Variants in C2 observed in about 807,000 individuals in gnomAD.
The protein encoded by C2 is complement C2.
In C2, 64 loss-of-function variants were observed where a neutral mutation model predicts 85.2. The ratio of observed to expected loss-of-function variants is 0.75; its 90% confidence interval spans 0.61 to 0.92. The LOEUF (loss-of-function observed/expected upper bound fraction) is 0.92. C2 is among the 40% of genes least tolerant of loss of function. The pLI is 0.00. For missense variants in C2, 820 were observed against 971.6 expected (o/e 0.84, Z 2.07); for synonymous variants, 311 against 370.8 (o/e 0.84, Z 1.85).
chr6:31,927,701 A>G, upstream of C2: 1 of 1,612,678 alleles, frequency 6.2e-7, no homozygotes, highest in East Asian at 2.2e-5. This position sits in a 1 kb window ranked among gnomAD's most constrained non-coding sequence, Gnocchi z 4.7. Flanking sequence ...AAGTCAGATG[A>G]CCTTTTCCCT....
chr6:31,903,398 G>A lies in C2; in HGVS notation c.73+2259G>A, dbSNP rs757148829. Among the ~76,000 whole-genome samples the A allele has an allele frequency of 4.3e-3, 660 of 151,738 alleles. 2 individuals are homozygous for A. The highest frequency in any genetic ancestry group is 0.013 in the East Asian group (66 of 5,146). Reference sequence around the variant, plus strand: ...TAATCCCAGCACTGTGGGAGGCCGAGGCAGGTGGATCACCTGAGGTCAGGA... The same window carrying A: ...TAATCCCAGCACTGTGGGAGGCCGAAGCAGGTGGATCACCTGAGGTCAGGA... On this transcript the variant is annotated intron_variant, in intron 1 of 3. Transcript: ENST00000452202.
upstream of C2, chr6:31,900,583 G>T: frequency 6.2e-7 from 1 of 1,612,156 alleles, no homozygotes; most frequent in Non-Finnish European, 8.5e-7. The surrounding 1 kb of genome is among the most constrained non-coding windows in gnomAD (Gnocchi z 9.7). Flanking sequence ...CCCCAAGGTG[G>T]CCACCCACGG....
chr6:31,924,984 G>C (rs761837448), upstream of C2, among the ~76,000 whole-genome samples: 26 of 152,132 alleles, frequency 1.7e-4, no homozygotes, highest in Non-Finnish European at 3.5e-4. Context: ...GCTAGGCCTC[G>C]AGAGACCTTG....
chr6:31,941,814 CTT>C (rs9281643), intron 9 of C2: 112 of 96,676 alleles, frequency 1.2e-3, no homozygotes, highest in East Asian at 4.6e-3. Context: ...AGCCAGTTCA[CTT>C]TTTTTTTTTT....
At chr6:31,915,270 G>C (rs371739371), upstream of C2, among the ~76,000 whole-genome samples, 17 of 152,252 alleles carry the variant, frequency 1.1e-4, no homozygotes, top group East Asian at 2.7e-3. Context: ...CCCTGGTCTA[G>C]TGTCATTGTG....
Position 31,945,187 on chromosome 6 carries a change from G to A in C2, c.2089G>A (p.Val697Met). The A allele has an allele frequency of 6.2e-7, 1 of 1,612,942 alleles. No individual in the cohort carries two copies. The highest frequency in any genetic ancestry group is 1.1e-5 in the South Asian group (1 of 91,068). Residue 697 changes from valine (V) to methionine (M), a missense_variant, in exon 18 of 18, where the codon GTG (valine) becomes ATG (methionine). By Grantham distance (21) the Val-to-Met change is conservative. Transcript: ENST00000299367. This position sits in a 1 kb window ranked among gnomAD's most constrained non-coding sequence, Gnocchi z 5.3. ...CTCTCCTTTTCTCCAGGTGGGTCTG[G>A]TGAGCTGGGGTCTTTACAACCCCTG... ...RRFRFFQVGL[V>M]SWGLYNPCLG...
At position 31,944,953 on chromosome 6, in the gene C2, C is replaced by T. The variant is rs1582126250; in HGVS notation, c.2030-27C>T. Reference sequence around the variant, plus strand: ...CACCAGTCCACTGCCCTAGATGACACTGTCTCCTGTCACCCTTTGCTGGCA... The same window carrying T: ...CACCAGTCCACTGCCCTAGATGACATTGTCTCCTGTCACCCTTTGCTGGCA... On this transcript the variant is annotated intron_variant, in intron 16 of 17. Transcript: ENST00000299367. This position sits in a 1 kb window ranked among gnomAD's most constrained non-coding sequence, Gnocchi z 5.1. 6.2e-7 allele frequency: 1 copy of T among 1,612,988 alleles called. No individual in the cohort carries two copies.
In C2 at chr6:31,944,866, C is replaced by T. The variant is rs770899176; in HGVS notation, c.2029+13C>T. 29 of 1,612,972 alleles carry T rather than the reference C, an allele frequency of 1.8e-5. No homozygotes were observed. Among genetic ancestry groups the T allele is most frequent in the Non-Finnish European group, 2.1e-5 (25 of 1,180,046 alleles). ...AGTCCCTGCAAGGGTGAGTCCCTCA[C>T]CATGCCTGGATTCCCAAGGGGAAGG... On this transcript the variant is annotated intron_variant, in intron 16 of 17. Coordinates refer to ENST00000299367, the MANE Select transcript of C2 (RefSeq NM_000063.6). This position sits in a 1 kb window ranked among gnomAD's most constrained non-coding sequence, Gnocchi z 5.1.
At chr6:31,900,453 G>C, upstream of C2, 1 of 1,576,988 alleles carries the variant, frequency 6.3e-7, no homozygotes, top group South Asian at 1.1e-5. This position sits in a 1 kb window ranked among gnomAD's most constrained non-coding sequence, Gnocchi z 9.7. Context: ...ACGCTGGCCC[G>C]GCCTCCGGGA....
Position 31,904,031 on chromosome 6 carries a change from T to TA in C2, c.73+2899dup, listed in dbSNP as rs1767555788. ...GAAGGCTGCCAGATTCGCAAATCAT[T>TA]AAAAAAATAAAATAAAAGCCCTATT... On this transcript the variant is annotated intron_variant, in intron 1 of 3. Coordinates refer to the C2 transcript ENST00000452202. The surrounding 1 kb of genome is among the most constrained non-coding windows in gnomAD (Gnocchi z 4.4). 6.6e-6 allele frequency among the ~76,000 whole-genome samples: 1 copy of TA among 151,820 alleles called. No individual in the cohort carries two copies. The highest frequency in any genetic ancestry group is 2.4e-5 in the African/African-American group (1 of 41,236).
rs1175243861 is a variant in C2, at chr6:31,935,116, T to C, written c.850-807T>C. On this transcript the variant is annotated intron_variant, in intron 6 of 17. Transcript: ENST00000299367. The surrounding 1 kb of genome is among the most constrained non-coding windows in gnomAD (Gnocchi z 4.3). Reference sequence around the variant, plus strand: ...GAACTTTGTTTTGTAATTGTGCTTTTCACAATACTTCATGTAACATTATAG... The same window carrying C: ...GAACTTTGTTTTGTAATTGTGCTTTCCACAATACTTCATGTAACATTATAG... 3.7e-5 allele frequency: 36 copies of C among 963,272 alleles called. No homozygotes were observed. Among genetic ancestry groups the C allele is most frequent in the Non-Finnish European group, 4.4e-5 (36 of 809,820 alleles). 59.7% of individuals were successfully genotyped at this position (963,272 alleles called of 1,614,324 possible). A position where few individuals can be genotyped will look rare whatever the true frequency, so the allele number is the denominator to read the frequency against.
rs1011936400 is a variant in C2 at position 31,928,920 on chromosome 6, G to A, written c.442+3G>A. ...AACAGCTGTGTGTGATAATGGGGGT[G>A]AGTTCTCTGGCTGATGGGCTACACA... On this transcript the variant is annotated splice_donor_region_variant and intron_variant, in intron 3 of 17. Transcript: ENST00000299367. 3.7e-6 allele frequency: 6 copies of A among 1,609,576 alleles called. No individual in the cohort carries two copies. Among genetic ancestry groups the A allele is most frequent in the Admixed American group, 3.3e-5 (2 of 59,862 alleles).
chr6:31,934,196 G>A lies in C2; in HGVS notation c.746G>A (p.Arg249His), dbSNP rs776693639. The change falls in exon 6 of 18, where the codon CGC (arginine) becomes CAC (histidine). Residue 249 changes from arginine (R) to histidine (H), a missense_variant. By Grantham distance (29) the Arg-to-His change is conservative. Transcript: ENST00000299367. ...CTGGGCCGTAAAATCCAAATCCAGC[G>A]CTCTGGTCATCTGAACCTCTACCTG... ...ESLGRKIQIQ[R>H]SGHLNLYLLL... The A allele has an allele frequency of 6.8e-6, 11 of 1,614,066 alleles. 1 individual carries two copies. Among genetic ancestry groups the A allele is most frequent in the South Asian group, 4.4e-5 (4 of 91,088 alleles).
At position 31,911,930 on chromosome 6, in the gene C2, C is replaced by CTTT. The variant is rs70990289; in HGVS notation, c.73+10808_73+10810dup. Among the ~76,000 whole-genome samples the CTTT allele has an allele frequency of 6.5e-4, 80 of 122,914 alleles. 4 individuals carry two copies. The highest frequency in any genetic ancestry group is 8.9e-4 in the Admixed American group (10 of 11,256). 80.6% of individuals were successfully genotyped at this position (122,914 alleles called of 152,430 possible). A position where few individuals can be genotyped will look rare whatever the true frequency, so the allele number is the denominator to read the frequency against. On this transcript the variant is annotated intron_variant, in intron 1 of 3. Coordinates refer to the C2 transcript ENST00000452202. The stretch of plus-strand genomic sequence containing the variant: ...CAGGCATGAGCCACCATGTCTGGCC[C>CTTT]TTTTTTTTTTTTTTTTTTTCCAATT...
At chr6:31,918,054 G>T (rs914716291), upstream of C2, among the ~76,000 whole-genome samples, 2 of 152,070 alleles carry the variant, frequency 1.3e-5, no homozygotes, top group Non-Finnish European at 2.9e-5. Flanking sequence ...TAGGTTGGAG[G>T]ATTGCTTGAG....
upstream of C2, chr6:31,897,977 G>A: frequency 2.1e-6 from 2 of 941,306 alleles, no homozygotes; most frequent in Non-Finnish European, 2.6e-6. Context: ...CTCGGCTCTC[G>A]GCAGCGGCTG....
intron 1 of C2, among the ~76,000 whole-genome samples, chr6:31,909,612 T>G (rs534080121): frequency 5.3e-5 from 8 of 151,946 alleles, no homozygotes; most frequent in African/African-American, 1.9e-4. Context: ...TCTTTTTTTT[T>G]TTTTGTAGAG....
At chr6:31,910,929 G>A (rs150374702) in intron 1 of C2, among the ~76,000 whole-genome samples, 5,199 of 151,940 alleles carry the variant, frequency 0.034, 134 homozygotes, top group South Asian at 0.05. Context: ...GCAGTGAGCC[G>A]AGATCGTGCC....
chr6:31,911,129 T>G (rs1296588638), intron 1 of C2, among the ~76,000 whole-genome samples: 3 of 151,900 alleles, frequency 2.0e-5, no homozygotes, highest in Non-Finnish European at 2.9e-5. Context: ...TGAAACCCCG[T>G]CTCTACTAAA....
Sources: gnomAD v4.1 joint callset for allele counts (sites outside exome capture counted in the v4.1 genomes callset) on GRCh38, gnomAD v4.1.1 for gene constraint, Gnocchi (gnomAD v3.1) non-coding constraint, MANE v1.5 for transcripts, NCBI Gene and HGNC (gene_info 2026-07-23, HGNC 2026-07-21) for gene names.